The following C2CD3 variants were observed in gnomAD, a reference collection of about 807,000 sequenced individuals.
C2CD3 encodes C2 domain containing 3 centriole elongation regulator.
In C2CD3, 148 loss-of-function variants were observed where a neutral mutation model predicts 234.0. The ratio of observed to expected loss-of-function variants is 0.63; its 90% CI spans 0.55 to 0.72. The LOEUF is 0.72. Ranked by LOEUF, C2CD3 falls within the 30% of genes least tolerant of loss-of-function variation. The probability of loss-of-function intolerance (pLI) is 0.00; values close to 1 mark genes in which losing one functional copy is unlikely to be tolerated. For synonymous variants in C2CD3, 1,000 were observed against 1,035.4 expected, an observed-to-expected ratio of 0.97 and a Z score of 0.66; for missense variants, 2,577 against 2,811.5, an observed-to-expected ratio of 0.92 and a Z score of 1.89.
At chr11:74,054,003 T>C (rs532671993) in intron 26 of C2CD3, among the ~76,000 whole-genome samples, 1 of 152,246 alleles carries the variant, frequency 6.6e-6, no homozygotes, top group Admixed American at 6.5e-5. Context: ...CCAGGCGCGG[T>C]GGCTCACGCC....
chr11:74,044,991 T>C (rs1204506179), intron 28 of C2CD3, among the ~76,000 whole-genome samples: 2 of 152,146 alleles, frequency 1.3e-5, no homozygotes, highest in African/African-American at 4.8e-5. Flanking sequence ...AAGGAATCAT[T>C]GTCTAATCCA....
intron 20 of C2CD3, among the ~76,000 whole-genome samples, chr11:74,089,775 A>T (rs745823323): frequency 1.3e-4 from 20 of 152,226 alleles, no homozygotes; most frequent in Admixed American, 5.2e-4. Context: ...AGAAAAATGC[A>T]TGTATGCCAA....
chr11:74,080,743 A>G (rs1312585251), intron 22 of C2CD3, among the ~76,000 whole-genome samples: 2 of 152,202 alleles, frequency 1.3e-5, no homozygotes, highest in African/African-American at 4.8e-5. Flanking sequence ...CACAAACTGT[A>G]GCTAAGTTAT....
chr11:74,030,693 A>G (rs566967828), intron 31 of C2CD3, among the ~76,000 whole-genome samples: 4 of 151,862 alleles, frequency 2.6e-5, no homozygotes, highest in Non-Finnish European at 5.9e-5. Flanking sequence ...TGCTGCCCTC[A>G]TCGACTCCCA....
chr11:74,018,130 C>G (rs1951943232), intron 32 of C2CD3, among the ~76,000 whole-genome samples: 2 of 152,296 alleles, frequency 1.3e-5, no homozygotes, highest in South Asian at 2.1e-4. Flanking sequence ...GTTTGGTCTT[C>G]TTATCCAGGT....
chr11:74,114,764 C>T (rs141007263), intron 9 of C2CD3, among the ~76,000 whole-genome samples, 171 bp from the exon 10 acceptor site: 24 of 152,236 alleles, frequency 1.6e-4, no homozygotes, highest in South Asian at 6.2e-4. Flanking sequence ...TGCAGTGGCA[C>T]GATCATGGCT....
chr11:74,133,694 T>A (rs754393317), intron 5 of C2CD3, 137 bp from the exon 6 acceptor site: 2 of 812,964 alleles, frequency 2.5e-6, no homozygotes, highest in Non-Finnish European at 3.8e-6. Flanking sequence ...CCCCATTAGC[T>A]TGAGAATTCC....
At chr11:74,139,188 A>G (rs1957965565) in intron 4 of C2CD3, among the ~76,000 whole-genome samples, 1 of 152,220 alleles carries the variant, frequency 6.6e-6, no homozygotes, top group Admixed American at 6.5e-5. Flanking sequence ...AGCTTAAATG[A>G]GACAATAAAA....
rs1318015291 is a variant in C2CD3, at chr11:74,170,686, T to C, written c.55+52A>G. On this transcript the variant is annotated intron_variant, in intron 1 of 32. Transcript: ENST00000334126. Reference sequence around the variant, plus strand: ...GGGTGCGGGTCTCCCTAAAATTCCTTACACCCTGCTCTCCTATTACGCTTT... The same window carrying C: ...GGGTGCGGGTCTCCCTAAAATTCCTCACACCCTGCTCTCCTATTACGCTTT... 9 of 1,609,756 alleles carry C rather than the reference T, an allele frequency of 5.6e-6. No homozygotes were observed. In the South Asian group the frequency reaches 7.7e-5, roughly 14 times the overall value.
intron 32 of C2CD3, among the ~76,000 whole-genome samples, chr11:74,022,238 T>C (rs546390636): frequency 1.3e-5 from 2 of 152,224 alleles, no homozygotes; most frequent in East Asian, 3.9e-4. Context: ...GTGATGTGGA[T>C]CTTGGCTGTG....
At chr11:74,138,355 C>T (rs1957936067) in intron 5 of C2CD3, among the ~76,000 whole-genome samples, 1 of 152,178 alleles carries the variant, frequency 6.6e-6, no homozygotes, top group Non-Finnish European at 1.5e-5. Context: ...TTGTACTAGT[C>T]TCCATACAGT....
At chr11:74,132,649 T>C (rs1474455337) in intron 7 of C2CD3, among the ~76,000 whole-genome samples, 195 bp downstream of exon 7, 1 of 152,238 alleles carries the variant, frequency 6.6e-6, no homozygotes, top group Admixed American at 6.5e-5. Context: ...AATGGGATCA[T>C]TCTGTAAGTG....
At position 74,114,606 on chromosome 11, in the gene C2CD3, C is replaced by T. The variant is rs182618317; in HGVS notation, c.1521-13G>A. On this transcript the variant is annotated splice_polypyrimidine_tract_variant and intron_variant, in intron 9 of 32. Coordinates refer to ENST00000334126, the MANE Select transcript of C2CD3 (RefSeq NM_001286577.2). The stretch of plus-strand genomic sequence containing the variant: ...TTCAACCAAATTTCTGAAAGGAGTT[C>T]ACACAAGCAGTGAGGCATACTGCTA... 6 of 1,580,454 alleles carry T rather than the reference C, an allele frequency of 3.8e-6. No individual in the cohort carries two copies. The highest frequency in any genetic ancestry group is 1.7e-4 in the Middle Eastern group (1 of 5,984).
chr11:74,150,526 ACAAAAC>A lies in C2CD3; in HGVS notation c.484-10704_484-10699del, dbSNP rs1855564915. Reference sequence around the variant, plus strand: ...AAAAAAAAAAAAAAACAAAAAAAAAACAAAACAAATTTCTAAGCTTTTTAAAACATA... The same window carrying A: ...AAAAAAAAAAAAAAACAAAAAAAAAAAAATTTCTAAGCTTTTTAAAACATA... On this transcript the variant is annotated intron_variant, in intron 3 of 32. Coordinates refer to ENST00000334126, the MANE Select transcript of C2CD3 (RefSeq NM_001286577.2). Among the ~76,000 whole-genome samples the A allele has an allele frequency of 1.3e-3, 74 of 57,618 alleles. 1 individual carries two copies. Among genetic ancestry groups the A allele is most frequent in the African/African-American group, 4.8e-3 (62 of 12,834 alleles). The allele number at this position is 57,618 out of a possible 152,430, so 37.8% of individuals were successfully genotyped here.
intron 14 of C2CD3, among the ~76,000 whole-genome samples, chr11:74,101,501 T>C (rs1167319947): frequency 6.6e-6 from 1 of 152,180 alleles, no homozygotes; most frequent in Admixed American, 6.5e-5. Context: ...ACAAGGTGGA[T>C]ACAAACCTAG....
intron 2 of C2CD3, among the ~76,000 whole-genome samples, chr11:74,165,183 CTCT>C (rs1856724517): frequency 6.6e-6 from 1 of 151,904 alleles, no homozygotes; most frequent in Non-Finnish European, 1.5e-5. Flanking sequence ...GATACATTTC[CTCT>C]TCTTTTTTTA....
chr11:74,089,487 T>C (rs1432834465), intron 20 of C2CD3, among the ~76,000 whole-genome samples: 1 of 152,220 alleles, frequency 6.6e-6, no homozygotes, highest in Non-Finnish European at 1.5e-5. Context: ...ACTGAGTATC[T>C]TAGCTCTTCA....
intron 11 of C2CD3, 185 bp downstream of exon 11, chr11:74,113,595 A>T: frequency 1.7e-6 from 1 of 585,502 alleles, no homozygotes; most frequent in Non-Finnish European, 3.1e-6. Context: ...TGGGAGAATC[A>T]CTTGAACCCG....
intron 3 of C2CD3, among the ~76,000 whole-genome samples, chr11:74,155,696 A>G (rs556821852): frequency 8.0e-4 from 122 of 152,326 alleles, no homozygotes; most frequent in Non-Finnish European, 1.1e-3. Flanking sequence ...GCAAATACAC[A>G]GAGACAGAAA....
Sources: allele counts gnomAD v4.1 joint callset (sites outside exome capture counted in the v4.1 genomes callset), GRCh38; gene constraint gnomAD v4.1.1; transcripts MANE v1.5; gene names NCBI Gene and HGNC (gene_info 2026-07-23, HGNC 2026-07-21).